Variants in VPS37A observed in about 807,000 individuals in gnomAD.
VPS37A encodes the protein VPS37A subunit of ESCRT-I.
A neutral mutation model predicts 49.8 loss-of-function variants in VPS37A; 30 were observed. The ratio of observed to expected loss-of-function variants is 0.60; its 90% CI spans 0.45 to 0.82. The LOEUF (loss-of-function observed/expected upper bound fraction) is 0.82. Among genes scored for constraint, VPS37A ranks in the 40% least tolerant of loss-of-function variants. The pLI is 0.00. For missense variants in VPS37A, 593 were observed against 464.4 expected (o/e 1.28, Z -2.55); for synonymous variants, 195 against 160.6 (o/e 1.21, Z -1.62).
In VPS37A at chr8:17,274,750, G is replaced by A. The variant is rs1405114846; in HGVS notation, c.434G>A (p.Ser145Asn). The change falls in exon 5 of 12, where the codon AGT (serine) becomes AAT (asparagine). Residue 145 changes from serine (S) to asparagine (N), a missense_variant. Transcript: ENST00000324849. Reference protein sequence around the residue: ...TAFPYLYSNPSGMSPYASQGF... With the variant: ...TAFPYLYSNPNGMSPYASQGF... ...CTTTTCAGTCTATACAGTAACCCAA[G>A]TGGGATGTCTCCTTATGCTTCTCAG... 3.7e-6 allele frequency: 6 copies of A among 1,613,974 alleles called. No homozygotes were observed. Among genetic ancestry groups the A allele is most frequent in the Non-Finnish European group, 5.1e-6 (6 of 1,179,884 alleles).
chr8:17,293,897 G>C (rs1465357356), intron 11 of VPS37A, among the ~76,000 whole-genome samples: 5 of 152,234 alleles, frequency 3.3e-5, no homozygotes, highest in African/African-American at 1.2e-4. Context: ...AACCCCTGCT[G>C]GGAGGTGTCT....
At chr8:17,254,894 C>T (rs1487360054) in intron 1 of VPS37A, among the ~76,000 whole-genome samples, 2 of 152,074 alleles carry the variant, frequency 1.3e-5, no homozygotes, top group Non-Finnish European at 2.9e-5. Flanking sequence ...GGATGTTTGT[C>T]TGTCTGTTCT....
the VPS37A span, among the ~76,000 whole-genome samples, chr8:17,326,803 T>C: frequency 6.6e-6 from 1 of 152,226 alleles, no homozygotes; most frequent in Non-Finnish European, 1.5e-5. Flanking sequence ...CCTTGAAAGA[T>C]GCTAAGAGGG....
At position 17,250,177 on chromosome 8, in the gene VPS37A, T is replaced by C. The variant is rs1190429957; in HGVS notation, c.125+2808T>C. Among the ~76,000 whole-genome samples, 4 of 152,278 alleles carry C rather than the reference T, an allele frequency of 2.6e-5. No homozygotes were observed. The East Asian group carries it at 7.7e-4, about 29-fold the overall frequency. ...ATTCTGGTTTCTATGACTTCTTCAA[T>C]GGAGAAAGAGGGGCAGGAGGTGGTC... On this transcript the variant is annotated intron_variant, in intron 1 of 11. Transcript: ENST00000324849.
chr8:17,270,978 G>C (rs995679613), intron 4 of VPS37A, among the ~76,000 whole-genome samples: 1 of 152,148 alleles, frequency 6.6e-6, no homozygotes, highest in South Asian at 2.1e-4. Context: ...TACAATGGTA[G>C]AACAAGCCTC....
chr8:17,262,930 G>T (rs768569901), intron 1 of VPS37A, among the ~76,000 whole-genome samples: 1 of 151,860 alleles, frequency 6.6e-6, no homozygotes, highest in Non-Finnish European at 1.5e-5. Flanking sequence ...GTGTGGTGGT[G>T]TGCACCTGTA....
downstream of VPS37A, chr8:17,304,359 G>A: frequency 6.2e-7 from 1 of 1,605,400 alleles, no homozygotes; most frequent in Admixed American, 1.7e-5. Context: ...TGGCTACAAA[G>A]TTACCAAGGA....
chr8:17,255,696 A>T (rs1353395570), intron 1 of VPS37A, among the ~76,000 whole-genome samples: 4 of 151,982 alleles, frequency 2.6e-5, no homozygotes, highest in Admixed American at 6.5e-5. Context: ...AATTAATTTC[A>T]TTTCCCCTCC....
the VPS37A span, among the ~76,000 whole-genome samples, chr8:17,322,926 C>T: frequency 6.6e-6 from 1 of 150,674 alleles, no homozygotes; most frequent in Non-Finnish European, 1.5e-5. Flanking sequence ...TTCACAACCT[C>T]CCATCTAGAG....
chr8:17,300,007 G>C, downstream of VPS37A: 2 of 1,614,136 alleles, frequency 1.2e-6, no homozygotes, highest in Non-Finnish European at 1.7e-6. Context: ...ATCTGGATCT[G>C]AACTTTTCAG....
chr8:17,263,733 C>T (rs966360787), intron 1 of VPS37A, among the ~76,000 whole-genome samples: 5 of 152,108 alleles, frequency 3.3e-5, no homozygotes, highest in Non-Finnish European at 7.4e-5. Flanking sequence ...CGCTTGAGGT[C>T]AGGAATTCGA....
At chr8:17,314,801 G>C in the VPS37A span, among the ~76,000 whole-genome samples, 1 of 152,230 alleles carries the variant, frequency 6.6e-6, no homozygotes. Context: ...CTGAAGACCT[G>C]ATATGCAGTC....
Position 17,265,938 on chromosome 8 carries a change from A to C in VPS37A, c.157A>C (p.Arg53=), listed in dbSNP as rs777788040. The change falls in exon 2 of 12, where the codon AGA becomes CGA. Residue 53 remains arginine (R), a synonymous_variant. Transcript: ENST00000324849. Reference sequence around the variant, plus strand: ...CGAAATACAGAAAGATGTGGAATACAGATTGCCATTCACCATAAACAACCT... The same window carrying C: ...CGAAATACAGAAAGATGTGGAATACCGATTGCCATTCACCATAAACAACCT... ...IAEIQKDVEY[R]LPFTINNLTI... 13 of 1,613,364 alleles carry C rather than the reference A, an allele frequency of 8.1e-6. No individual in the cohort carries two copies. Among genetic ancestry groups the C allele is most frequent in the African/African-American group, 1.3e-5 (1 of 74,918 alleles).
Position 17,265,974 on chromosome 8 carries a change from A to C in VPS37A, c.193A>C (p.Ile65Leu). ...CACCATAAACAACCTGACAATTAAC[A>C]TTAATATGTGAGTAGAATTGTATCC... is the stretch of plus-strand genomic sequence containing the variant. Reference protein sequence around the residue: ...PFTINNLTININILLPPQFPQ... With the variant: ...PFTINNLTINLNILLPPQFPQ... Residue 65 changes from isoleucine (I) to leucine (L), a missense_variant, in exon 2 of 12, where the codon ATT (isoleucine) becomes CTT (leucine). Ile to Leu is a conservative substitution (Grantham distance 5). Transcript: ENST00000324849. 6.2e-7 allele frequency: 1 copy of C among 1,611,952 alleles called. No homozygotes were observed. The highest frequency in any genetic ancestry group is 8.5e-7 in the Non-Finnish European group (1 of 1,178,952).
At chr8:17,313,623 C>G in the VPS37A span, among the ~76,000 whole-genome samples, 42 of 152,110 alleles carry the variant, frequency 2.8e-4, no homozygotes, top group Admixed American at 2.5e-3. Flanking sequence ...GAATGCTGCA[C>G]TTGTTTACAA....
intron 6 of VPS37A, among the ~76,000 whole-genome samples, chr8:17,278,071 C>T (rs895680531): frequency 6.6e-6 from 1 of 151,950 alleles, no homozygotes. Flanking sequence ...TTCCTTAGTG[C>T]CTCCTTGTGG....
intron 5 of VPS37A, among the ~76,000 whole-genome samples, 158 bp downstream of exon 5, chr8:17,275,116 T>C (rs1814393846): frequency 6.6e-6 from 1 of 152,160 alleles, no homozygotes; most frequent in Non-Finnish European, 1.5e-5. Flanking sequence ...AACCAACAAA[T>C]AATAATTTTA....
intron 4 of VPS37A, among the ~76,000 whole-genome samples, chr8:17,269,559 C>T (rs951155970): frequency 6.6e-6 from 1 of 151,968 alleles, no homozygotes; most frequent in African/African-American, 2.4e-5. Context: ...CCATTTTTTT[C>T]ATATCAAACC....
the VPS37A span, among the ~76,000 whole-genome samples, chr8:17,324,585 C>T: frequency 6.6e-6 from 1 of 152,170 alleles, no homozygotes; most frequent in African/African-American, 2.4e-5. Flanking sequence ...CATACAACAC[C>T]AGAGAGGCAA....
Sources: gnomAD v4.1 joint callset for allele counts (sites outside exome capture counted in the v4.1 genomes callset) on GRCh38, gnomAD v4.1.1 for gene constraint, MANE v1.5 for transcripts, NCBI Gene and HGNC (gene_info 2026-07-23, HGNC 2026-07-21) for gene names.